Variants in IFNG-AS1 observed in about 807,000 individuals in gnomAD.
The protein encoded by IFNG-AS1 is IFNG antisense RNA 1 (non-protein coding).
In IFNG-AS1 at chr12:68,014,539, C is replaced by T. The variant is rs549400615; in HGVS notation, n.242-5323C>T. On this transcript the variant is annotated intron_variant and non_coding_transcript_variant, in intron 3 of 5. Transcript: ENST00000536914. ...GGTTTTGATATTGCATTTCCCTGAT[C>T]ATTAGTGATGTTGAGCATTTTTTCA... 6.6e-5 allele frequency among the ~76,000 whole-genome samples: 10 copies of T among 152,202 alleles called. No individual in the cohort carries two copies. The South Asian group carries it at 1.2e-3, about 19-fold the overall frequency.
chr12:68,007,211 G>T (rs1235145566), intron 3 of IFNG-AS1, among the ~76,000 whole-genome samples: 1 of 152,110 alleles, frequency 6.6e-6, no homozygotes, highest in Non-Finnish European at 1.5e-5. Flanking sequence ...ATAAACACAG[G>T]ACTCCATTCA....
chr12:68,019,595 C>A (rs865801933), intron 3 of IFNG-AS1, among the ~76,000 whole-genome samples: 17 of 152,186 alleles, frequency 1.1e-4, no homozygotes, highest in African/African-American at 3.9e-4. Flanking sequence ...GTACATTGAA[C>A]CCTAGACACC....
chr12:67,994,242 C>T (rs1208903893), intron 1 of IFNG-AS1, among the ~76,000 whole-genome samples: 3 of 152,186 alleles, frequency 2.0e-5, no homozygotes, highest in African/African-American at 7.2e-5. Context: ...AGCCATGGCC[C>T]TCAGTAGAGG....
Position 67,997,190 on chromosome 12 carries a change from G to T in IFNG-AS1, n.184+1117G>T, listed in dbSNP as rs550356894. 3.3e-5 allele frequency among the ~76,000 whole-genome samples: 5 copies of T among 152,036 alleles called. No homozygotes were observed. The East Asian group carries it at 7.7e-4, about 23-fold the overall frequency. ...ACATAAAACACTGAAGAAGAGCCAA[G>T]AAAACACTTAAAAAGAAAAACTAGA... On this transcript the variant is annotated intron_variant and non_coding_transcript_variant, in intron 2 of 5. Transcript: ENST00000536914.
intron 2 of IFNG-AS1, among the ~76,000 whole-genome samples, chr12:67,999,429 A>T (rs1879716452): frequency 6.6e-6 from 1 of 152,212 alleles, no homozygotes; most frequent in Non-Finnish European, 1.5e-5. Flanking sequence ...ACTGTGTAAG[A>T]TTATCCTGGA....
At chr12:68,014,525 T>G (rs1333622605) in intron 3 of IFNG-AS1, among the ~76,000 whole-genome samples, 6 of 152,244 alleles carry the variant, frequency 3.9e-5, no homozygotes, top group Non-Finnish European at 8.8e-5. Flanking sequence ...GTTTTGATAT[T>G]GCATTTCCCT....
At chr12:68,007,989 A>T (rs1033473239) in intron 3 of IFNG-AS1, among the ~76,000 whole-genome samples, 4 of 152,208 alleles carry the variant, frequency 2.6e-5, no homozygotes, top group African/African-American at 7.2e-5. Context: ...AATCAGGCAA[A>T]CTAAAAATGG....
intron 2 of IFNG-AS1, among the ~76,000 whole-genome samples, chr12:68,003,905 CAA>C (rs60693550): frequency 1.2e-3 from 121 of 97,684 alleles, no homozygotes; most frequent in Middle Eastern, 6.6e-3. Flanking sequence ...ACTCCGTCTC[CAA>C]AAAAAAAAAA....
chr12:68,014,744 T>G (rs1409181766), intron 3 of IFNG-AS1, among the ~76,000 whole-genome samples: 1 of 152,002 alleles, frequency 6.6e-6, no homozygotes, highest in African/African-American at 2.4e-5. Context: ...TGGCCAAGCC[T>G]CCACAATCAC....
chr12:68,014,597 G>C (rs1025711700), intron 3 of IFNG-AS1, among the ~76,000 whole-genome samples: 1 of 152,058 alleles, frequency 6.6e-6, no homozygotes, highest in Non-Finnish European at 1.5e-5. Flanking sequence ...ATCTTCTTTT[G>C]AGAATTGAGC....
chr12:68,011,942 T>A (rs1880039872), intron 3 of IFNG-AS1, among the ~76,000 whole-genome samples: 1 of 152,240 alleles, frequency 6.6e-6, no homozygotes, highest in Non-Finnish European at 1.5e-5. Context: ...TTTGCAAGCC[T>A]CCTTCAGTTA....
intron 1 of IFNG-AS1, among the ~76,000 whole-genome samples, chr12:67,990,297 CA>C (rs1484638517): frequency 6.6e-6 from 1 of 152,064 alleles, no homozygotes; most frequent in Non-Finnish European, 1.5e-5. Flanking sequence ...AAACTAAAAA[CA>C]ATATCTACAA....
chr12:67,989,772 C>T (rs568953786), intron 1 of IFNG-AS1, among the ~76,000 whole-genome samples: 1 of 152,136 alleles, frequency 6.6e-6, no homozygotes, highest in South Asian at 2.1e-4. Context: ...GAAGGAGACC[C>T]GCATGGCTGG....
intron 3 of IFNG-AS1, chr12:68,013,442 G>T (rs976735165): frequency 6.6e-6 from 1 of 152,176 alleles, no homozygotes; most frequent in African/African-American, 2.4e-5. Flanking sequence ...CCAAGAGGGA[G>T]GTACAGTAGG....
At chr12:67,995,874 A>T (rs962892136) in intron 1 of IFNG-AS1, 1 of 152,200 alleles carries the variant, frequency 6.6e-6, no homozygotes, top group African/African-American at 2.4e-5. Flanking sequence ...GGTAGGAAGA[A>T]ATATATCAGC....
chr12:68,006,937 A>G (rs1459097085), intron 3 of IFNG-AS1, among the ~76,000 whole-genome samples: 1 of 152,272 alleles, frequency 6.6e-6, no homozygotes, highest in Non-Finnish European at 1.5e-5. Flanking sequence ...AAACTGTGAA[A>G]TAATAAAAGC....
intron 2 of IFNG-AS1, among the ~76,000 whole-genome samples, chr12:67,998,814 T>A (rs1446081650): frequency 6.6e-6 from 1 of 152,148 alleles, no homozygotes; most frequent in Admixed American, 6.6e-5. Flanking sequence ...TAATACAATG[T>A]ACATATTATA....
chr12:68,015,575 T>C (rs151289497), intron 3 of IFNG-AS1, among the ~76,000 whole-genome samples: 3 of 152,312 alleles, frequency 2.0e-5, no homozygotes, highest in Non-Finnish European at 4.4e-5. Flanking sequence ...AGTGCAATTT[T>C]TCCTTAACCG....
chr12:68,016,587 G>T (rs945071805), intron 3 of IFNG-AS1, among the ~76,000 whole-genome samples: 1 of 152,174 alleles, frequency 6.6e-6, no homozygotes, highest in African/African-American at 2.4e-5. Flanking sequence ...CTGCAGTGAT[G>T]AAATAATGAA....
Sources: gnomAD v4.1 joint callset for allele counts (sites outside exome capture counted in the v4.1 genomes callset) on GRCh38, gnomAD v4.1.1 for gene constraint, MANE v1.5 for transcripts, NCBI Gene and HGNC (gene_info 2026-07-23, HGNC 2026-07-21) for gene names.